EDARADD: variants seen among roughly 807,000 people sequenced by gnomAD.
EDARADD encodes the protein ectodysplasin-A receptor-associated adapter protein.
Under a neutral mutation model 25.6 loss-of-function variants are expected in EDARADD, and 20 were observed. The ratio of observed to expected loss-of-function variants is 0.78; its 90% confidence interval spans 0.55 to 1.14. The LOEUF (loss-of-function observed/expected upper bound fraction) is 1.14. EDARADD is among the 50% of genes most tolerant of loss of function. EDARADD has a pLI of 0.00. For missense variants in EDARADD, 225 were observed against 270.1 expected (o/e 0.83, Z 1.17); for synonymous variants, 86 against 94.4 (o/e 0.91, Z 0.52).
intron 3 of EDARADD, among the ~76,000 whole-genome samples, chr1:236,368,156 G>A (rs1043463635): frequency 2.0e-5 from 3 of 152,016 alleles, no homozygotes; most frequent in African/African-American, 7.2e-5. Flanking sequence ...TAAAATATTG[G>A]GAATCCAGTC....
At chr1:236,441,485 AAT>A (rs1658400022) in intron 4 of EDARADD, among the ~76,000 whole-genome samples, 1 of 146,266 alleles carries the variant, frequency 6.8e-6, no homozygotes, top group African/African-American at 2.5e-5. Context: ...TAAATATGTA[AAT>A]ATATATTTTA....
intron 4 of EDARADD, among the ~76,000 whole-genome samples, chr1:236,465,212 G>A (rs1221508042): frequency 1.3e-5 from 2 of 152,062 alleles, no homozygotes; most frequent in South Asian, 2.1e-4. Flanking sequence ...TCCCCCATGC[G>A]TCCTACACTG....
In EDARADD at chr1:236,429,206, G is replaced by A. The variant is rs575268364; in HGVS notation, c.219+1756G>A. ...GTGCAGAGGGAGAGGGAGCGGGAGC[G>A]GGAGAGGGAGAGATTTTTTTTTTTT... On this transcript the variant is annotated intron_variant, in intron 4 of 5. Coordinates refer to ENST00000334232, the MANE Select transcript of EDARADD (RefSeq NM_145861.4). Among the ~76,000 whole-genome samples the A allele has an allele frequency of 8.2e-4, 118 of 143,860 alleles. 1 individual carries two copies. Among genetic ancestry groups the A allele is most frequent in the Admixed American group, 1.3e-3 (18 of 13,874 alleles). 94.4% of individuals were successfully genotyped at this position (143,860 alleles called of 152,430 possible).
chr1:236,427,403 G>A lies in EDARADD; in HGVS notation c.172G>A (p.Asp58Asn). 1.2e-6 allele frequency: 2 copies of A among 1,606,808 alleles called. No individual in the cohort carries two copies. The highest frequency in any genetic ancestry group is 1.7e-6 in the Non-Finnish European group (2 of 1,177,136). ...TTTTTTTTTCCTAGCTGAAGAATGT[G>A]ATACAATTACTTTGAACTGCCCACG... ...DTELPKAEECDTITLNCPRNS... is the reference protein window; with the variant it reads ...DTELPKAEECNTITLNCPRNS... The change falls in exon 4 of 6, where the codon GAT (aspartate) becomes AAT (asparagine). Residue 58 changes from aspartate to asparagine, a missense_variant. By Grantham distance (23) the Asp-to-Asn change is conservative. Transcript: ENST00000334232.
chr1:236,446,169 C>G (rs1201540901), intron 4 of EDARADD, among the ~76,000 whole-genome samples: 2 of 152,212 alleles, frequency 1.3e-5, no homozygotes, highest in African/African-American at 4.8e-5. Flanking sequence ...GGTCTTGAGT[C>G]CCTAAGGACC....
At chr1:236,378,913 A>T (rs1667260350) in intron 3 of EDARADD, among the ~76,000 whole-genome samples, 1 of 152,080 alleles carries the variant, frequency 6.6e-6, no homozygotes, top group African/African-American at 2.4e-5. Context: ...TCTATTTTTT[A>T]AAAAAGACTA....
chr1:236,468,269 T>C lies in EDARADD; in HGVS notation c.258T>C (p.Pro86=), dbSNP rs138967527. 98 of 1,613,992 alleles carry C rather than the reference T, an allele frequency of 6.1e-5. No homozygotes were observed. The highest frequency in any genetic ancestry group is 7.4e-5 in the Non-Finnish European group (87 of 1,179,960). The part of the protein sequence containing the change: ...ENGFPDSTGD[P]LPEISKDNSC... ...GCTTTCCAGATAGCACTGGAGATCC[T>C]CTTCCAGGTAAATGATTGATTCTAA... Residue 86 remains proline, a synonymous_variant, in exon 5 of 6, where the codon CCT becomes CCC. Coordinates refer to ENST00000334232, the MANE Select transcript of EDARADD (RefSeq NM_145861.4).
chr1:236,457,326 G>C (rs1658896491), intron 4 of EDARADD, among the ~76,000 whole-genome samples: 1 of 151,898 alleles, frequency 6.6e-6, no homozygotes, highest in Admixed American at 6.6e-5. Context: ...GACCAGCCTG[G>C]GCAACAGGGT....
chr1:236,479,248 C>A (rs947515387), intron 5 of EDARADD, among the ~76,000 whole-genome samples: 7 of 152,092 alleles, frequency 4.6e-5, no homozygotes, highest in African/African-American at 1.7e-4. Context: ...GTAATCCCAG[C>A]AATTCGAGAG....
chr1:236,386,533 G>T lies in EDARADD; in HGVS notation c.-5-22683G>T, dbSNP rs1337507109. ...GAGCCTCTCTGCCCGGCCGCCCATCGTCTGAGATGTGGGGAGCGCCTCTGC... is the reference window on the plus strand; with the variant it reads ...GAGCCTCTCTGCCCGGCCGCCCATCTTCTGAGATGTGGGGAGCGCCTCTGC... On this transcript the variant is annotated intron_variant, in intron 3 of 7. Transcript: ENST00000439430. 1.2e-4 allele frequency among the ~76,000 whole-genome samples: 2 copies of T among 16,896 alleles called. 1 individual carries two copies. Among genetic ancestry groups the T allele is most frequent in the East Asian group, 6.5e-3 (2 of 308 alleles). 11.1% of individuals were successfully genotyped at this position (16,896 alleles called of 152,430 possible).
intron 3 of EDARADD, among the ~76,000 whole-genome samples, chr1:236,354,411 G>A (rs1049123941): frequency 3.3e-5 from 5 of 152,112 alleles, no homozygotes; most frequent in South Asian, 4.1e-4. Context: ...TGAGCCTCAG[G>A]TTCCCCAGCC....
chr1:236,363,100 C>T (rs1667075139), intron 3 of EDARADD, among the ~76,000 whole-genome samples: 1 of 144,236 alleles, frequency 6.9e-6, no homozygotes, highest in African/African-American at 2.6e-5. Context: ...AACTCCTGGC[C>T]TCAAGTGATC....
intron 3 of EDARADD, among the ~76,000 whole-genome samples, chr1:236,373,634 T>C (rs1189224255): frequency 6.6e-6 from 1 of 152,200 alleles, no homozygotes; most frequent in African/African-American, 2.4e-5. Context: ...TTTTTTCTAT[T>C]GATTTTCTGT....
At chr1:236,365,608 G>A (rs1161836253) in intron 3 of EDARADD, among the ~76,000 whole-genome samples, 1 of 152,090 alleles carries the variant, frequency 6.6e-6, no homozygotes, top group Non-Finnish European at 1.5e-5. Flanking sequence ...TGCCTGCTTG[G>A]TTTACTTTAC....
Position 236,395,536 on chromosome 1 carries a change from G to A in EDARADD, c.61+1031G>A. 6.5e-7 allele frequency: 1 copy of A among 1,537,088 alleles called. No individual in the cohort carries two copies. Among genetic ancestry groups the A allele is most frequent in the East Asian group, 2.5e-5 (1 of 40,788 alleles). ...GGTTTGCTCCAGGCGCGTCGGAACC[G>A]CAGGACTTTTCATCCCCGTGGTCCC... On this transcript the variant is annotated intron_variant, in intron 1 of 5. Coordinates refer to ENST00000334232, the MANE Select transcript of EDARADD (RefSeq NM_145861.4). The surrounding 1 kb of genome is among the most constrained non-coding windows in gnomAD (Gnocchi z 6.9).
intron 3 of EDARADD, among the ~76,000 whole-genome samples, chr1:236,386,823 G>GC (rs1667358956): frequency 2.7e-5 from 2 of 75,188 alleles, no homozygotes; most frequent in African/African-American, 9.9e-5. Flanking sequence ...GAGGGAGGTG[G>GC]GGGGGGTCAG....
At chr1:236,385,553 G>A (rs542797906) in intron 3 of EDARADD, among the ~76,000 whole-genome samples, 12 of 151,414 alleles carry the variant, frequency 7.9e-5, no homozygotes, top group South Asian at 2.1e-4. Flanking sequence ...CTGAAACCCC[G>A]TCTCTACTAA....
chr1:236,464,303 G>T (rs1417709119), intron 4 of EDARADD, among the ~76,000 whole-genome samples: 4 of 149,970 alleles, frequency 2.7e-5, no homozygotes, highest in African/African-American at 9.9e-5. Context: ...GGGCTGGAGT[G>T]CAGTGGTTCA....
chr1:236,452,499 CCCCT>C (rs1320234513), intron 4 of EDARADD, among the ~76,000 whole-genome samples: 1 of 101,098 alleles, frequency 9.9e-6, no homozygotes, highest in Non-Finnish European at 2.1e-5. Context: ...TGGCCGATCC[CCCCT>C]CTCTCTCTCT....
Sources: allele counts gnomAD v4.1 joint callset (sites outside exome capture counted in the v4.1 genomes callset), GRCh38; gene constraint gnomAD v4.1.1; non-coding constraint Gnocchi (gnomAD v3.1); transcripts MANE v1.5; gene names NCBI Gene and HGNC (gene_info 2026-07-23, HGNC 2026-07-21).